SYCP2L: variants seen among roughly 807,000 people sequenced by gnomAD.
The protein encoded by SYCP2L is synaptonemal complex protein 2 like.
Under a neutral mutation model 125.8 loss-of-function variants are expected in SYCP2L, and 98 were observed. That is an observed-to-expected ratio of 0.78 (90% confidence interval 0.66 to 0.92). The LOEUF is 0.92. Among genes scored for constraint, SYCP2L ranks in the 40% least tolerant of loss-of-function variants. The pLI, the probability that SYCP2L is intolerant of heterozygous loss-of-function variation, is 0.00. For synonymous variants in SYCP2L, 317 were observed against 325.4 expected, an observed-to-expected ratio of 0.97 and a Z score of 0.28; for missense variants, 842 against 936.4, an observed-to-expected ratio of 0.90 and a Z score of 1.32.
At chr6:10,923,502 C>T (rs1207509640) in intron 14 of SYCP2L, among the ~76,000 whole-genome samples, 3 of 149,776 alleles carry the variant, frequency 2.0e-5, no homozygotes, top group African/African-American at 7.4e-5. Flanking sequence ...TCTCCTGCCT[C>T]AGCCTCCTGA....
chr6:10,961,599 A>T, intron 28 of SYCP2L, 41 bp downstream of exon 28: 2 of 1,597,478 alleles, frequency 1.3e-6, no homozygotes, highest in African/African-American at 1.3e-5. Flanking sequence ...TCTTGGTTGA[A>T]GTATGAGGTA....
intron 14 of SYCP2L, among the ~76,000 whole-genome samples, chr6:10,919,950 C>CT (rs1310705611): frequency 6.6e-6 from 1 of 152,108 alleles, no homozygotes; most frequent in East Asian, 1.9e-4. Flanking sequence ...ACCACCAAGT[C>CT]TGTTTGCAGG....
intron 26 of SYCP2L, among the ~76,000 whole-genome samples, chr6:10,959,474 T>C (rs1243483682): frequency 1.3e-5 from 2 of 152,230 alleles, no homozygotes; most frequent in Non-Finnish European, 2.9e-5. Context: ...TGGATAGTGA[T>C]GATGGTTACA....
At chr6:10,893,635 C>A (rs1168633042) in intron 2 of SYCP2L, among the ~76,000 whole-genome samples, 1 of 152,092 alleles carries the variant, frequency 6.6e-6, no homozygotes, top group Non-Finnish European at 1.5e-5. Context: ...CCAGGTGATG[C>A]CAGCGCTGTT....
intron 28 of SYCP2L, among the ~76,000 whole-genome samples, chr6:10,962,428 G>T (rs1452766334): frequency 6.6e-6 from 1 of 152,030 alleles, no homozygotes; most frequent in Non-Finnish European, 1.5e-5. Context: ...CTCCCTCTGT[G>T]TATAGTTAAA....
intron 8 of SYCP2L, among the ~76,000 whole-genome samples, chr6:10,903,758 T>A (rs1432623697): frequency 6.6e-6 from 1 of 151,680 alleles, no homozygotes; most frequent in African/African-American, 2.4e-5. Context: ...CTCAAAAAAA[T>A]AAAAATAAAT....
chr6:10,936,117 A>C (rs1028817955), intron 21 of SYCP2L, among the ~76,000 whole-genome samples: 1 of 152,090 alleles, frequency 6.6e-6, no homozygotes, highest in African/African-American at 2.4e-5. Flanking sequence ...TTTAGTAAGT[A>C]CTTCAATAAC....
At chr6:10,893,268 G>A (rs1016595047) in intron 2 of SYCP2L, among the ~76,000 whole-genome samples, 1 of 152,214 alleles carries the variant, frequency 6.6e-6, no homozygotes, top group Non-Finnish European at 1.5e-5. Flanking sequence ...AAAGTGCTGG[G>A]ATTACAGGCG....
chr6:10,912,879 G>T lies in SYCP2L; in HGVS notation c.1024G>T (p.Asp342Tyr). 6.2e-7 allele frequency: 1 copy of T among 1,613,858 alleles called. No individual in the cohort carries two copies. Among genetic ancestry groups the T allele is most frequent in the South Asian group, 1.1e-5 (1 of 91,060 alleles). The part of the protein sequence containing the change: ...YIDNAENTLW[D>Y]SVTLPKEAVM... ...TTATTTTCCCAAGAATACTCTATGG[G>T]ACTCAGTGACACTTCCGAAGGAAGC... The change falls in exon 14 of 30, where the codon GAC (aspartate) becomes TAC (tyrosine). Residue 342 changes from aspartate (D) to tyrosine (Y), a missense_variant. By Grantham distance (160) the Asp-to-Tyr change is radical (BLOSUM62 -3). Transcript: ENST00000283141. This position sits in a 1 kb window ranked among gnomAD's most constrained non-coding sequence, Gnocchi z 4.1.
chr6:10,959,460 G>T (rs1284359001), intron 26 of SYCP2L, among the ~76,000 whole-genome samples: 1 of 152,218 alleles, frequency 6.6e-6, no homozygotes, highest in East Asian at 1.9e-4. Flanking sequence ...AAGAGTTCTG[G>T]AAATGGATAG....
chr6:10,962,763 CTT>C (rs1781616644), intron 28 of SYCP2L, among the ~76,000 whole-genome samples: 1 of 152,168 alleles, frequency 6.6e-6, no homozygotes, highest in African/African-American at 2.4e-5. Flanking sequence ...TTGCAAATCT[CTT>C]TACTGTCTGG....
chr6:10,894,009 G>C lies in SYCP2L; in HGVS notation c.216+5G>C. ...CTTGACAGATCAATAAATAAGGCAA[G>C]TTGGTTTGCTTTGTGACCAAAATAC... On this transcript the variant is annotated splice_donor_5th_base_variant and intron_variant, in intron 3 of 29. Coordinates refer to ENST00000283141, the MANE Select transcript of SYCP2L (RefSeq NM_001040274.3). 6.2e-7 allele frequency: 1 copy of C among 1,603,904 alleles called. No homozygotes were observed. Among genetic ancestry groups the C allele is most frequent in the South Asian group, 1.1e-5 (1 of 88,076 alleles).
chr6:10,903,047 A>G, intron 8 of SYCP2L, 84 bp downstream of exon 8: 7 of 1,096,040 alleles, frequency 6.4e-6, no homozygotes, highest in South Asian at 2.6e-5. Flanking sequence ...TTCTACTTAG[A>G]CCTGATTATG....
intron 20 of SYCP2L, among the ~76,000 whole-genome samples, chr6:10,934,335 C>T (rs12110330): frequency 0.029 from 4,389 of 152,290 alleles, 215 homozygotes; most frequent in African/African-American, 0.097. Context: ...AGGTTTGAAT[C>T]TATTGTCCAT....
At chr6:10,967,105 C>T (rs1781694800) in intron 29 of SYCP2L, among the ~76,000 whole-genome samples, 1 of 151,718 alleles carries the variant, frequency 6.6e-6, no homozygotes, top group Non-Finnish European at 1.5e-5. Flanking sequence ...GAACAATTTC[C>T]TAGATGAATA....
intron 14 of SYCP2L, among the ~76,000 whole-genome samples, chr6:10,918,079 C>T (rs557726364): frequency 1.1e-4 from 17 of 151,594 alleles, no homozygotes; most frequent in African/African-American, 4.1e-4. Context: ...TCTCAAGATT[C>T]TTTCCTTTGT....
At chr6:10,953,877 G>C (rs1781452809) in intron 23 of SYCP2L, among the ~76,000 whole-genome samples, 1 of 152,164 alleles carries the variant, frequency 6.6e-6, no homozygotes, top group African/African-American at 2.4e-5. Flanking sequence ...AAGGTTAGAT[G>C]GATGGAGAAA....
chr6:10,923,435 G>A (rs1318552164), intron 14 of SYCP2L, among the ~76,000 whole-genome samples: 1 of 139,406 alleles, frequency 7.2e-6, no homozygotes, highest in Non-Finnish European at 1.5e-5. Context: ...ACCCAGGCTG[G>A]AGTGCAGTGG....
In SYCP2L at chr6:10,898,809, C is replaced by A; in HGVS notation, c.442-15C>A. On this transcript the variant is annotated splice_polypyrimidine_tract_variant and intron_variant, in intron 5 of 29. Transcript: ENST00000283141. ...TAAAATAATATGAGCTTTACTTTTT[C>A]TTTCTTTTTGTTAGATTATTTCCAG... is the stretch of plus-strand genomic sequence containing the variant. 2 of 1,366,862 alleles carry A rather than the reference C, an allele frequency of 1.5e-6. No individual in the cohort carries two copies. The highest frequency in any genetic ancestry group is 2.1e-6 in the Non-Finnish European group (2 of 961,678). The allele number at this position is 1,366,862 out of a possible 1,614,324, so 84.7% of individuals were successfully genotyped here. A position where few individuals can be genotyped will look rare whatever the true frequency, so the allele number is the denominator to read the frequency against.
Sources: gnomAD v4.1 joint callset for allele counts (sites outside exome capture counted in the v4.1 genomes callset) on GRCh38, gnomAD v4.1.1 for gene constraint, Gnocchi (gnomAD v3.1) non-coding constraint, MANE v1.5 for transcripts, NCBI Gene and HGNC (gene_info 2026-07-23, HGNC 2026-07-21) for gene names.